Variants in SMYD3 observed in about 807,000 individuals in gnomAD.
SMYD3 encodes the protein SET and MYND domain containing 3.
SMYD3 carries 36 observed loss-of-function variants against 57.7 expected under a neutral mutation model. The observed-to-expected ratio is 0.62, with a 90% confidence interval of 0.48 to 0.82. SMYD3 has a LOEUF of 0.82. Among genes scored for constraint, SMYD3 ranks in the 40% least tolerant of loss-of-function variants. The pLI, the probability that SMYD3 is intolerant of heterozygous loss-of-function variation, is 0.00. For missense variants in SMYD3, 515 were observed against 538.8 expected (o/e 0.96, Z 0.44); for synonymous variants, 211 against 195.0 (o/e 1.08, Z -0.68).
chr1:246,410,368 T>G (rs200683567), intron 1 of SMYD3, among the ~76,000 whole-genome samples: 1 of 152,080 alleles, frequency 6.6e-6, no homozygotes, highest in South Asian at 2.1e-4. Flanking sequence ...TTATTGAGAG[T>G]TTTTAGCATG....
chr1:246,398,320 A>G (rs1458775084), intron 1 of SMYD3, among the ~76,000 whole-genome samples: 1 of 152,232 alleles, frequency 6.6e-6, no homozygotes, highest in East Asian at 1.9e-4. Context: ...GTTAAACGAC[A>G]CACTCAATTC....
intron 1 of SMYD3, among the ~76,000 whole-genome samples, chr1:246,408,435 C>T (rs750661365): frequency 9.2e-5 from 14 of 152,020 alleles, no homozygotes; most frequent in East Asian, 1.9e-4. Context: ...GTCCTCTGCT[C>T]GGCATCTCTG....
At chr1:245,810,019 G>A (rs1470975840) in intron 10 of SMYD3, among the ~76,000 whole-genome samples, 3 of 152,128 alleles carry the variant, frequency 2.0e-5, no homozygotes, top group East Asian at 1.9e-4. Flanking sequence ...GGGGACAAAC[G>A]AGGTAAGTAG....
chr1:245,940,481 G>A (rs1210069434), intron 5 of SMYD3, among the ~76,000 whole-genome samples: 1 of 152,132 alleles, frequency 6.6e-6, no homozygotes, highest in Non-Finnish European at 1.5e-5. Context: ...ATACCTCCAG[G>A]TGCAGGAAGC....
intron 1 of SMYD3, among the ~76,000 whole-genome samples, chr1:246,425,338 A>T (rs1399612339): frequency 6.6e-6 from 1 of 152,218 alleles, no homozygotes; most frequent in African/African-American, 2.4e-5. Flanking sequence ...CCTAGATAAC[A>T]AAGACCACAG....
intron 10 of SMYD3, among the ~76,000 whole-genome samples, chr1:245,824,281 C>A (rs11809775): frequency 2.0e-5 from 3 of 152,194 alleles, no homozygotes; most frequent in Non-Finnish European, 4.4e-5. Context: ...GGAAGAGATG[C>A]TTTGTAGCTA....
intron 10 of SMYD3, among the ~76,000 whole-genome samples, chr1:245,765,045 TACACACAC>T (rs3085339): frequency 1.1e-4 from 15 of 134,746 alleles, no homozygotes; most frequent in Admixed American, 2.4e-4. Context: ...TGGAAATGCC[TACACACAC>T]ACACACACAC....
chr1:246,276,482 T>C (rs1282822164), intron 5 of SMYD3, among the ~76,000 whole-genome samples: 1 of 150,756 alleles, frequency 6.6e-6, no homozygotes, highest in Non-Finnish European at 1.5e-5. Flanking sequence ...ATGTCTGTAG[T>C]GGAGTCTGAT....
chr1:245,800,262 G>T (rs968531199), intron 10 of SMYD3, among the ~76,000 whole-genome samples: 2 of 152,020 alleles, frequency 1.3e-5, no homozygotes, highest in African/African-American at 4.8e-5. Context: ...ATCACCTCCT[G>T]TTTCTACCTA....
chr1:245,883,720 G>A (rs4654152), intron 8 of SMYD3, among the ~76,000 whole-genome samples: 151,932 of 152,294 alleles, frequency 1, 75,787 homozygotes, highest in Middle Eastern at 1. Flanking sequence ...GACACTGTAA[G>A]AATTTAGGTA....
chr1:246,111,486 A>T (rs1004604961), intron 5 of SMYD3: 2 of 151,840 alleles, frequency 1.3e-5, no homozygotes, highest in African/African-American at 4.8e-5. Flanking sequence ...TTGCCTTAAC[A>T]CTCTACTTCT....
At chr1:245,987,222 T>C (rs1166883566) in intron 5 of SMYD3, among the ~76,000 whole-genome samples, 2 of 152,216 alleles carry the variant, frequency 1.3e-5, no homozygotes, top group East Asian at 3.9e-4. Context: ...CACTGATCAA[T>C]TTCCCAGGAG....
chr1:246,067,020 T>C (rs1321297780), intron 5 of SMYD3, among the ~76,000 whole-genome samples: 1 of 152,210 alleles, frequency 6.6e-6, no homozygotes, highest in Non-Finnish European at 1.5e-5. Context: ...GGTAAACTTT[T>C]AGATAGTCAA....
At chr1:246,365,340 A>G (rs940835936) in intron 1 of SMYD3, among the ~76,000 whole-genome samples, 1 of 151,300 alleles carries the variant, frequency 6.6e-6, no homozygotes, top group Non-Finnish European at 1.5e-5. Context: ...AAAAAAAATT[A>G]AAAAATTAGC....
chr1:246,278,242 G>GAA (rs35112531), intron 5 of SMYD3, among the ~76,000 whole-genome samples: 56 of 143,612 alleles, frequency 3.9e-4, no homozygotes, highest in South Asian at 3.1e-3. Flanking sequence ...CTCTGTTTAA[G>GAA]AAAAAAAAAA....
At chr1:245,856,208 A>T (rs1380218029) in intron 10 of SMYD3, among the ~76,000 whole-genome samples, 2 of 152,258 alleles carry the variant, frequency 1.3e-5, no homozygotes, top group African/African-American at 2.4e-5. Context: ...AAGGCAAAGT[A>T]TGACAACATC....
intron 5 of SMYD3, among the ~76,000 whole-genome samples, chr1:246,145,415 T>C (rs113042222): frequency 4.6e-5 from 7 of 152,220 alleles, no homozygotes; most frequent in African/African-American, 1.7e-4. Flanking sequence ...TGGGATCATA[T>C]TAGATAATTT....
intron 1 of SMYD3, among the ~76,000 whole-genome samples, chr1:246,483,994 A>C (rs2068149244): frequency 6.7e-6 from 1 of 150,284 alleles, no homozygotes; most frequent in Admixed American, 6.6e-5. Flanking sequence ...ACCTAAAAAC[A>C]CATCACTTCA....
intron 8 of SMYD3, among the ~76,000 whole-genome samples, chr1:245,913,017 T>C (rs1309575235): frequency 2.0e-5 from 3 of 152,222 alleles, no homozygotes; most frequent in Non-Finnish European, 4.4e-5. Context: ...ACTGGGTATA[T>C]ACCCAAAGGA....
Sources: gnomAD v4.1 joint callset for allele counts (sites outside exome capture counted in the v4.1 genomes callset) on GRCh38, gnomAD v4.1.1 for gene constraint, MANE v1.5 for transcripts, NCBI Gene and HGNC (gene_info 2026-07-23, HGNC 2026-07-21) for gene names.